Variants in MOV10L1 observed in about 807,000 individuals in gnomAD.
The protein encoded by MOV10L1 is Mov10 like RNA helicase 1, also known as RNA helicase Mov10l1.
MOV10L1 carries 110 observed loss-of-function variants against 143.8 expected under a neutral mutation model. The ratio of observed to expected loss-of-function variants is 0.76; its 90% CI spans 0.66 to 0.90. MOV10L1 has a LOEUF of 0.90. Among genes scored for constraint, MOV10L1 ranks in the 40% least tolerant of loss-of-function variants. The pLI, the probability that MOV10L1 is intolerant of heterozygous loss-of-function variation, is 0.00. For missense variants in MOV10L1, 1,406 were observed against 1,526.8 expected, an observed-to-expected ratio of 0.92 and a Z score of 1.32; for synonymous variants, 593 against 581.1, an observed-to-expected ratio of 1.02 and a Z score of -0.29.
intron 18 of MOV10L1, among the ~76,000 whole-genome samples, chr22:50,144,897 A>G (rs920448291): frequency 2.7e-4 from 41 of 151,492 alleles, no homozygotes; most frequent in Middle Eastern, 7.0e-3. Context: ...GGTTTTAAGT[A>G]TTCCTTTAAG....
In MOV10L1 at chr22:50,113,868, AACTTT is replaced by A. The variant is rs2062089769; in HGVS notation, c.884+86_884+90del. On this transcript the variant is annotated intron_variant, in intron 6 of 26. Coordinates refer to ENST00000262794, the MANE Select transcript of MOV10L1 (RefSeq NM_018995.3). ...ATGACTCAATAATTTCTGTAAAACC[AACTTT>A]ACTTTGGTCATTTATTTTTTTCTTT... The A allele has an allele frequency of 6.2e-6, 8 of 1,284,040 alleles. No individual in the cohort carries two copies. The Admixed American group carries it at 1.7e-4, about 27-fold the overall frequency. The allele number at this position is 1,284,040 out of a possible 1,614,324, so 79.5% of individuals were successfully genotyped here. A position where few individuals can be genotyped will look rare whatever the true frequency, so the allele number is the denominator to read the frequency against.
chr22:50,121,712 G>A (rs183049468), intron 10 of MOV10L1, among the ~76,000 whole-genome samples: 11 of 152,314 alleles, frequency 7.2e-5, no homozygotes, highest in Admixed American at 7.2e-4. Flanking sequence ...GGGTCTGCTA[G>A]GATGGAGAGG....
chr22:50,095,475 A>G (rs2062565650), intron 2 of MOV10L1: 1 of 152,188 alleles, frequency 6.6e-6, no homozygotes, highest in South Asian at 2.1e-4. Flanking sequence ...TGTGTATTTA[A>G]AGGAGTACTC....
chr22:50,150,767 C>A lies in MOV10L1; in HGVS notation c.2760C>A (p.Gly920=), dbSNP rs2294396. 231,976 of 1,613,772 alleles carry A rather than the reference C, an allele frequency of 0.14. 17,838 individuals carry two copies. The highest frequency in any genetic ancestry group is 0.25 in the East Asian group (11,415 of 44,830). Residue 920 remains glycine, a synonymous_variant, in exon 21 of 27, where the codon GGC becomes GGA. Coordinates refer to ENST00000262794, the MANE Select transcript of MOV10L1 (RefSeq NM_018995.3). ...TGGCAGGAGACCCCATGCAGCTCGG[C>A]CCAGTCATTAAGTCCAGACTCGCCA... is the stretch of plus-strand genomic sequence containing the variant. ...IVLAGDPMQL[G]PVIKSRLAMA...
At chr22:50,111,826 A>G (rs1451158198) in intron 5 of MOV10L1, among the ~76,000 whole-genome samples, 1 of 150,282 alleles carries the variant, frequency 6.7e-6, no homozygotes, top group Non-Finnish European at 1.5e-5. Flanking sequence ...TTCTTTTCAC[A>G]CTCCTCACTC....
intron 2 of MOV10L1, among the ~76,000 whole-genome samples, chr22:50,099,020 A>G (rs1361416550): frequency 6.6e-6 from 1 of 152,212 alleles, no homozygotes; most frequent in Admixed American, 6.5e-5. Flanking sequence ...CCACTTAGTC[A>G]TGGGGTATAA....
chr22:50,134,248 CTAA>C (rs1250661626), intron 14 of MOV10L1, among the ~76,000 whole-genome samples, 183 bp downstream of exon 14: 1 of 152,112 alleles, frequency 6.6e-6, no homozygotes, highest in Non-Finnish European at 1.5e-5. Flanking sequence ...TAGTGAATAA[CTAA>C]TAATAGCATG....
chr22:50,122,855 C>G (rs2062389462), intron 10 of MOV10L1, among the ~76,000 whole-genome samples: 1 of 151,636 alleles, frequency 6.6e-6, no homozygotes, highest in Non-Finnish European at 1.5e-5. Flanking sequence ...AATCACAGCT[C>G]ACAGCTGTGA....
At chr22:50,111,025 C>T (rs1238849736) in intron 5 of MOV10L1, among the ~76,000 whole-genome samples, 2 of 152,182 alleles carry the variant, frequency 1.3e-5, no homozygotes, top group African/African-American at 4.8e-5. Flanking sequence ...ACTTGTGGGG[C>T]AGCCCCAGCT....
intron 15 of MOV10L1, among the ~76,000 whole-genome samples, chr22:50,137,063 A>G (rs2147302866): frequency 6.6e-6 from 1 of 152,354 alleles, no homozygotes; most frequent in South Asian, 2.1e-4. Context: ...ATCCCAGAAC[A>G]AAGTTTAAGA....
At position 50,114,493 on chromosome 22, in the gene MOV10L1, T is replaced by C; in HGVS notation, c.997T>C (p.Ser333Pro). ...LDKDQMCPVVSFVSVPEKENS... is the reference protein window; with the variant it reads ...LDKDQMCPVVPFVSVPEKENS... Reference sequence around the variant, plus strand: ...TAAAGACCAGATGTGCCCCGTGGTATCTTTTGTTTCTGTTCCTGAGAAGGA... The same window carrying C: ...TAAAGACCAGATGTGCCCCGTGGTACCTTTTGTTTCTGTTCCTGAGAAGGA... The change falls in exon 7 of 27, where the codon TCT (serine) becomes CCT (proline). Residue 333 changes from serine to proline, a missense_variant. Around this residue, in one of 3 missense-constraint regions of MOV10L1, gnomAD observed 1,233 missense variants for 1,351.4 expected, o/e 0.91. Coordinates refer to ENST00000262794, the MANE Select transcript of MOV10L1 (RefSeq NM_018995.3). 6.2e-7 allele frequency: 1 copy of C among 1,614,238 alleles called. No homozygotes were observed. The highest frequency in any genetic ancestry group is 8.5e-7 in the Non-Finnish European group (1 of 1,180,046).
intron 9 of MOV10L1, among the ~76,000 whole-genome samples, chr22:50,118,241 C>T (rs1030785271): frequency 4.4e-5 from 4 of 90,812 alleles, no homozygotes; most frequent in Non-Finnish European, 1.1e-4. Context: ...TGAATCACAG[C>T]ACCACCACCA....
intron 13 of MOV10L1, 56 bp from the exon 14 acceptor site, chr22:50,133,951 G>A (rs1038818899): frequency 2.1e-6 from 3 of 1,449,830 alleles, no homozygotes; most frequent in Admixed American, 3.9e-5. Context: ...CCTTATGCCA[G>A]CCTTAATATT....
Position 50,152,913 on chromosome 22 carries a change from AG to A in MOV10L1, c.2893-128del. The A allele has an allele frequency of 1.2e-6, 1 of 868,004 alleles. No individual in the cohort carries two copies. The highest frequency in any genetic ancestry group is 2.5e-5 in the East Asian group (1 of 40,604). 53.8% of individuals were successfully genotyped at this position (868,004 alleles called of 1,614,324 possible). On this transcript the variant is annotated intron_variant, in intron 21 of 26. Coordinates refer to ENST00000262794, the MANE Select transcript of MOV10L1 (RefSeq NM_018995.3). This position sits in a 1 kb window ranked among gnomAD's most constrained non-coding sequence, Gnocchi z 4.4. ...CTTGGTCTGGGGGCAGGCGACACACAGGGGCGCAGGAGCAGAGTCAGGCTTG... is the reference window on the plus strand; with the variant it reads ...CTTGGTCTGGGGGCAGGCGACACACAGGGCGCAGGAGCAGAGTCAGGCTTG...
At chr22:50,120,787 C>T (rs770865257) in intron 10 of MOV10L1, among the ~76,000 whole-genome samples, 171 bp downstream of exon 10, 4 of 152,210 alleles carry the variant, frequency 2.6e-5, no homozygotes, top group African/African-American at 9.7e-5. Flanking sequence ...GGCACCATAG[C>T]ACTCACGCTG....
rs138916282 is a variant in MOV10L1 at position 50,096,364 on chromosome 22, A to G, written c.283-3079A>G. The G allele has an allele frequency of 2.2e-4, 34 of 152,376 alleles. No individual in the cohort carries two copies. In the East Asian group the frequency reaches 5.8e-3, roughly 26 times the overall value. 9.4% of individuals were successfully genotyped at this position (152,376 alleles called of 1,614,324 possible). ...GGCTGAATATTCCATTGTGTGAATA[A>G]ATCACATTTTGTTTCTCCATTCATC... On this transcript the variant is annotated intron_variant, in intron 2 of 26. Coordinates refer to ENST00000262794, the MANE Select transcript of MOV10L1 (RefSeq NM_018995.3).
chr22:50,111,259 G>A (rs182102220), intron 5 of MOV10L1, among the ~76,000 whole-genome samples: 60 of 152,208 alleles, frequency 3.9e-4, no homozygotes, highest in Admixed American at 1.9e-3. Flanking sequence ...AAGAGGGTGC[G>A]GTCACATGAC....
rs189145242 is a variant in MOV10L1 at position 50,153,724 on chromosome 22, G to T, written c.3066+506G>T. On this transcript the variant is annotated intron_variant, in intron 22 of 26. Coordinates refer to ENST00000262794, the MANE Select transcript of MOV10L1 (RefSeq NM_018995.3). ...ACCACCCCCTCTCCAAGGCCTCGCAGAGGGACAGAGTTAGATGCTGAGTGA... is the reference window on the plus strand; with the variant it reads ...ACCACCCCCTCTCCAAGGCCTCGCATAGGGACAGAGTTAGATGCTGAGTGA... Among the ~76,000 whole-genome samples the T allele has an allele frequency of 1.4e-3, 206 of 152,364 alleles. 1 individual carries two copies. The highest frequency in any genetic ancestry group is 4.4e-3 in the African/African-American group (184 of 41,582).
rs2062032809 is a variant in MOV10L1 at position 50,111,828 on chromosome 22, T to A, written c.744-1820T>A. 2.0e-5 allele frequency among the ~76,000 whole-genome samples: 3 copies of A among 152,062 alleles called. No individual in the cohort carries two copies. In the South Asian group the frequency reaches 6.2e-4, roughly 32 times the overall value. ...CCGAGTCTTTATTTTCTTTTCACAC[T>A]CCTCACTCACCACCAGTGAGCTTCT... is the stretch of plus-strand genomic sequence containing the variant. On this transcript the variant is annotated intron_variant, in intron 5 of 26. Transcript: ENST00000262794.
Sources: allele counts gnomAD v4.1 joint callset (sites outside exome capture counted in the v4.1 genomes callset), GRCh38; gene constraint gnomAD v4.1.1; regional missense constraint gnomAD v4.1.1; non-coding constraint Gnocchi (gnomAD v3.1); transcripts MANE v1.5; gene names NCBI Gene and HGNC (gene_info 2026-07-23, HGNC 2026-07-21).